The following MTMR10 variants were observed in gnomAD, a reference collection of about 807,000 sequenced individuals.
The protein encoded by MTMR10 is myotubularin related protein 10.
Under a neutral mutation model 88.1 loss-of-function variants are expected in MTMR10, and 56 were observed. The observed-to-expected ratio is 0.64, with a 90% CI of 0.51 to 0.79. MTMR10 has a LOEUF of 0.79. Ranked by LOEUF, MTMR10 falls within the 30% of genes least tolerant of loss-of-function variation. The pLI is 0.00. For synonymous variants in MTMR10, 380 were observed against 340.9 expected (o/e 1.11, Z -1.26); for missense variants, 883 against 924.7 (o/e 0.95, Z 0.58).
chr15:30,940,617 C>CCTGT lies in MTMR10; in HGVS notation c.*849_*852dup. ...CGAGTTTTGGCATAGATGGCACTCT[C>CCTGT]CTGTCTACAGCATACACCTCTGTGG... On this transcript the variant is annotated 3_prime_UTR_variant, in exon 16 of 16. Transcript: ENST00000435680. 1.0e-6 allele frequency: 1 copy of CCTGT among 985,602 alleles called. No individual in the cohort carries two copies. Among genetic ancestry groups the CCTGT allele is most frequent in the Non-Finnish European group, 1.2e-6 (1 of 830,116 alleles). 61.1% of individuals were successfully genotyped at this position (985,602 alleles called of 1,614,324 possible). A position where few individuals can be genotyped will look rare whatever the true frequency, so the allele number is the denominator to read the frequency against.
At chr15:30,983,298 T>A (rs750600214) in intron 2 of MTMR10, among the ~76,000 whole-genome samples, 4 of 152,126 alleles carry the variant, frequency 2.6e-5, no homozygotes, top group Non-Finnish European at 5.9e-5. Context: ...ACCTTCTAAA[T>A]TAGAGGATGA....
At chr15:30,961,955 T>C (rs2063407987) in intron 6 of MTMR10, among the ~76,000 whole-genome samples, 1 of 152,202 alleles carries the variant, frequency 6.6e-6, no homozygotes, top group South Asian at 2.1e-4. Flanking sequence ...CCAACAATCA[T>C]CTCTGTCCTC....
At chr15:30,949,305 G>C (rs915071290) in intron 12 of MTMR10, 1 of 152,166 alleles carries the variant, frequency 6.6e-6, no homozygotes, top group Non-Finnish European at 1.5e-5. Flanking sequence ...AAGATGATAA[G>C]GATGTCTGTT....
chr15:30,991,619 C>G lies in MTMR10; in HGVS notation c.-113G>C. On this transcript the variant is annotated 5_prime_UTR_variant, in exon 1 of 16. Coordinates refer to ENST00000435680, the MANE Select transcript of MTMR10 (RefSeq NM_017762.3). ...AGGCCCTTTCTGCGGCCAGCCGAGC[C>G]GGGCGGACTGACGGGCGGGGATACG... 3.1e-6 allele frequency: 4 copies of G among 1,310,002 alleles called. No individual in the cohort carries two copies. Among genetic ancestry groups the G allele is most frequent in the Non-Finnish European group, 4.0e-6 (4 of 994,678 alleles). 81.1% of individuals were successfully genotyped at this position (1,310,002 alleles called of 1,614,324 possible).
chr15:30,948,498 T>C (rs1595912541), intron 12 of MTMR10, 27 bp from the exon 13 acceptor site: 2 of 1,568,334 alleles, frequency 1.3e-6, no homozygotes, highest in Non-Finnish European at 1.7e-6. Context: ...AAGAAAATGA[T>C]TACAACATAG....
intron 13 of MTMR10, 135 bp from the exon 14 acceptor site, chr15:30,947,435 G>A: frequency 9.8e-7 from 1 of 1,020,404 alleles, no homozygotes; most frequent in Non-Finnish European, 1.4e-6. Flanking sequence ...TGCCTTCTAA[G>A]CTGAGCTATA....
the MTMR10 span, among the ~76,000 whole-genome samples, chr15:30,929,986 A>G: frequency 2.4e-5 from 3 of 127,184 alleles, no homozygotes; most frequent in East Asian, 6.0e-4. Flanking sequence ...TATAATATAT[A>G]AGATATCATA....
At chr15:30,927,675 G>C in the MTMR10 span, 1 of 985,634 alleles carries the variant, frequency 1.0e-6, no homozygotes, top group Non-Finnish European at 1.2e-6. Flanking sequence ...ATGGGGGTCT[G>C]GTGGTCAGCA....
At chr15:30,954,941 A>G (rs372454230) in intron 9 of MTMR10, 48 bp from the exon 10 acceptor site, 18 of 1,474,920 alleles carry the variant, frequency 1.2e-5, no homozygotes, top group Non-Finnish European at 2.7e-6. Flanking sequence ...ATTTCAGCAT[A>G]TATTTATTTA....
the MTMR10 span, among the ~76,000 whole-genome samples, chr15:30,929,810 TATA>T: frequency 1.4e-5 from 1 of 70,116 alleles, no homozygotes; most frequent in African/African-American, 8.1e-5. Flanking sequence ...ATATAAAATA[TATA>T]ATATATTATA....
intron 2 of MTMR10, among the ~76,000 whole-genome samples, chr15:30,977,720 AT>A (rs1253143817): frequency 2.6e-5 from 4 of 152,168 alleles, no homozygotes; most frequent in Admixed American, 6.5e-5. Context: ...TATTTCTTTC[AT>A]TATAAAAACC....
intron 2 of MTMR10, among the ~76,000 whole-genome samples, chr15:30,982,842 G>A (rs934144162): frequency 5.3e-5 from 8 of 152,210 alleles, no homozygotes; most frequent in African/African-American, 1.7e-4. Flanking sequence ...GAATGCTGAA[G>A]AGGAGCTGTC....
In MTMR10 at chr15:30,948,438, G is replaced by A; in HGVS notation, c.1241C>T (p.Ala414Val). The A allele has an allele frequency of 6.2e-7, 1 of 1,611,500 alleles. No individual in the cohort carries two copies. Among genetic ancestry groups the A allele is most frequent in the South Asian group, 1.1e-5 (1 of 90,612 alleles). Reference protein sequence around the residue: ...EEGRDLSCCVASLVQVMLDPY... With the variant: ...EEGRDLSCCVVSLVQVMLDPY... ...ATCCAGCATCACTTGAACAAGAGAAGCTACACAACAGCTCAAGTCTCTTCC... is the reference window on the plus strand; with the variant it reads ...ATCCAGCATCACTTGAACAAGAGAAACTACACAACAGCTCAAGTCTCTTCC... The change falls in exon 13 of 16, where the codon GCT becomes GTT. Residue 414 changes from alanine (A) to valine (V), a missense_variant. Ala to Val is a moderately conservative substitution (Grantham distance 64, BLOSUM62 0). Transcript: ENST00000435680.
At chr15:30,979,449 G>A (rs7173275) in intron 2 of MTMR10, among the ~76,000 whole-genome samples, 2,920 of 151,790 alleles carry the variant, frequency 0.019, 99 homozygotes, top group African/African-American at 0.064. Context: ...GTGGTGGTGC[G>A]CACCTGTAGC....
chr15:30,964,628 A>G (rs974367447), intron 6 of MTMR10, among the ~76,000 whole-genome samples: 2 of 152,208 alleles, frequency 1.3e-5, no homozygotes, highest in African/African-American at 4.8e-5. Flanking sequence ...CCAAAGTTCA[A>G]AAGACCTGAT....
intron 9 of MTMR10, 122 bp downstream of exon 9, chr15:30,958,740 TA>T: frequency 1.0e-6 from 1 of 967,874 alleles, no homozygotes; most frequent in Non-Finnish European, 1.6e-6. Context: ...AATTCTTATA[TA>T]AAACATGGTG....
At chr15:30,937,258 A>T, downstream of MTMR10, 1 of 1,610,594 alleles carries the variant, frequency 6.2e-7, no homozygotes. Context: ...CTTAGCTAAA[A>T]GGTATGGAAT....
Position 30,991,438 on chromosome 15 carries a change from GT to G in MTMR10, c.60+8del. 6.7e-7 allele frequency: 1 copy of G among 1,490,344 alleles called. No individual in the cohort carries two copies. Among genetic ancestry groups the G allele is most frequent in the Non-Finnish European group, 8.9e-7 (1 of 1,123,800 alleles). 92.3% of individuals were successfully genotyped at this position (1,490,344 alleles called of 1,614,324 possible). On this transcript the variant is annotated splice_region_variant and intron_variant, in intron 1 of 15. Coordinates refer to ENST00000435680, the MANE Select transcript of MTMR10 (RefSeq NM_017762.3). Reference sequence around the variant, plus strand: ...GAGAGTCGGGCGCTCGCGGGGAGGGGTTGTTTACCTGGGGCGGTGGCAGGAG... The same window carrying G: ...GAGAGTCGGGCGCTCGCGGGGAGGGGTGTTTACCTGGGGCGGTGGCAGGAG...
chr15:30,925,924 A>G, the MTMR10 span: 2 of 1,614,194 alleles, frequency 1.2e-6, no homozygotes, highest in Admixed American at 1.7e-5. Flanking sequence ...TTACAGACGC[A>G]GCGGTTTTGA....
Sources: allele counts gnomAD v4.1 joint callset (sites outside exome capture counted in the v4.1 genomes callset), GRCh38; gene constraint gnomAD v4.1.1; transcripts MANE v1.5; gene names NCBI Gene and HGNC (gene_info 2026-07-23, HGNC 2026-07-21).